ZNF469: variants seen among roughly 807,000 people sequenced by gnomAD.
The protein encoded by ZNF469 is zinc finger protein 469.
ZNF469 carries 1 observed loss-of-function variant against 1.0 expected under a neutral mutation model. That is an observed-to-expected ratio of 1.00 (90% CI 0.35 to 4.73). The LOEUF (loss-of-function observed/expected upper bound fraction) is 4.73. Ranked by LOEUF, ZNF469 falls within the 30% of genes most tolerant of loss-of-function variation. ZNF469 has a pLI of 0.16. For missense variants in ZNF469, 6,100 were observed against 5,356.3 expected (o/e 1.14, Z -4.33); for synonymous variants, 2,703 against 2,363.4 (o/e 1.14, Z -4.17).
chr16:88,205,250 G>A, the ZNF469 span, among the ~76,000 whole-genome samples: 7 of 152,102 alleles, frequency 4.6e-5, no homozygotes, highest in Non-Finnish European at 8.8e-5. The surrounding 1 kb of genome is among the most constrained non-coding windows in gnomAD (Gnocchi z 4.2). Context: ...GATGTTTCCC[G>A]GCAGAACGTT....
chr16:88,244,800 A>G, the ZNF469 span, among the ~76,000 whole-genome samples: 2 of 145,574 alleles, frequency 1.4e-5, no homozygotes, highest in Admixed American at 6.9e-5. Flanking sequence ...AAGTTTGACA[A>G]CTGGTGCATA....
the ZNF469 span, among the ~76,000 whole-genome samples, chr16:88,121,826 A>T: frequency 6.6e-6 from 1 of 152,188 alleles, no homozygotes; most frequent in Admixed American, 6.5e-5. Flanking sequence ...TATGATTAGG[A>T]ATTTATTTGT....
the ZNF469 span, among the ~76,000 whole-genome samples, chr16:88,143,050 G>A: frequency 6.6e-6 from 1 of 152,176 alleles, no homozygotes; most frequent in Non-Finnish European, 1.5e-5. Context: ...ATTAGGATGG[G>A]AGGAGACAGG....
At chr16:88,368,100 C>T in the ZNF469 span, among the ~76,000 whole-genome samples, 1 of 152,228 alleles carries the variant, frequency 6.6e-6, no homozygotes, top group South Asian at 2.1e-4. Context: ...GAGAACAATC[C>T]CGCGCTTATA....
the ZNF469 span, among the ~76,000 whole-genome samples, chr16:88,232,397 C>A: frequency 6.6e-6 from 1 of 152,142 alleles, no homozygotes; most frequent in Non-Finnish European, 1.5e-5. Context: ...CCCCTCCCAC[C>A]ACCACCCCGC....
chr16:88,353,714 G>A, the ZNF469 span, among the ~76,000 whole-genome samples: 2 of 152,256 alleles, frequency 1.3e-5, no homozygotes, highest in African/African-American at 4.8e-5. Context: ...CCTTGCAGGT[G>A]TAATTTGCTA....
Position 88,428,121 on chromosome 16 carries a change from C to T in ZNF469, c.651C>T (p.Ser217=), listed in dbSNP as rs1252427574. ...GGCCCCCCCAGAGCAGGGGCACCAG[C>T]CCCCTCCAGCCCGGTTCCTATCCCG... The part of the protein sequence containing the change: ...APGPPQSRGT[S]PLQPGSYPEY... Residue 217 remains serine, a synonymous_variant, in exon 3 of 3, where the codon AGC becomes AGT. Coordinates refer to ENST00000565624, the MANE Select transcript of ZNF469 (RefSeq NM_001367624.2). 4.5e-6 allele frequency: 7 copies of T among 1,549,660 alleles called. No homozygotes were observed. Among genetic ancestry groups the T allele is most frequent in the Admixed American group, 3.9e-5 (2 of 51,006 alleles).
chr16:88,262,882 G>C, the ZNF469 span, among the ~76,000 whole-genome samples: 6 of 152,248 alleles, frequency 3.9e-5, no homozygotes, highest in Admixed American at 3.9e-4. The surrounding 1 kb of genome is among the most constrained non-coding windows in gnomAD (Gnocchi z 4.3). Flanking sequence ...GCAGATCTGC[G>C]TCCTGTGGTG....
intron 1 of ZNF469, among the ~76,000 whole-genome samples, chr16:88,384,730 C>T (rs1171297520): frequency 6.6e-6 from 1 of 152,196 alleles, no homozygotes; most frequent in African/African-American, 2.4e-5. Flanking sequence ...GCTGTAATGC[C>T]CCGAGGCTGG....
chr16:88,333,863 AGTGT>A, the ZNF469 span, among the ~76,000 whole-genome samples: 4 of 140,912 alleles, frequency 2.8e-5, no homozygotes, highest in Non-Finnish European at 6.2e-5. Flanking sequence ...GGGCAGTTGC[AGTGT>A]GTGTGTGTGT....
At chr16:88,290,896 T>C in the ZNF469 span, among the ~76,000 whole-genome samples, 1 of 152,214 alleles carries the variant, frequency 6.6e-6, no homozygotes, top group Non-Finnish European at 1.5e-5. Context: ...CAGGGATCCC[T>C]CTGCCTGCCA....
chr16:88,245,394 A>G, the ZNF469 span, among the ~76,000 whole-genome samples: 1 of 152,218 alleles, frequency 6.6e-6, no homozygotes. Context: ...TGGAGAGAGG[A>G]TGCGTAGGCT....
the ZNF469 span, among the ~76,000 whole-genome samples, chr16:88,347,613 C>T: frequency 2.2e-4 from 34 of 152,334 alleles, no homozygotes; most frequent in Non-Finnish European, 4.9e-4. Flanking sequence ...GTTATCATGG[C>T]CCCAGGAAAC....
chr16:88,149,465 C>T, the ZNF469 span, among the ~76,000 whole-genome samples: 9 of 152,332 alleles, frequency 5.9e-5, no homozygotes, highest in Admixed American at 5.2e-4. Flanking sequence ...TCTGTGCAAC[C>T]GCAGCCTGAG....
At chr16:88,203,007 G>A in the ZNF469 span, among the ~76,000 whole-genome samples, 1 of 152,214 alleles carries the variant, frequency 6.6e-6, no homozygotes, top group Non-Finnish European at 1.5e-5. Context: ...CAGGTACAGT[G>A]CTCAGTCACA....
At chr16:88,122,165 G>A in the ZNF469 span, among the ~76,000 whole-genome samples, 8 of 147,710 alleles carry the variant, frequency 5.4e-5, no homozygotes, top group Middle Eastern at 3.5e-3. Flanking sequence ...ACTCGGTATG[G>A]CCACGGCAAC....
chr16:88,367,093 T>G, the ZNF469 span, among the ~76,000 whole-genome samples: 6 of 152,332 alleles, frequency 3.9e-5, no homozygotes, highest in East Asian at 1.2e-3. Context: ...GTCTTCCCCC[T>G]TTTTGCGTCC....
At chr16:88,380,763 C>T (rs201099841), upstream of ZNF469, among the ~76,000 whole-genome samples, 5,433 of 145,974 alleles carry the variant, frequency 0.037, 175 homozygotes, top group Admixed American at 0.1. Context: ...CACTCACAGA[C>T]GTCCTCACAC....
the ZNF469 span, among the ~76,000 whole-genome samples, chr16:88,345,503 G>A: frequency 6.6e-6 from 1 of 152,112 alleles, no homozygotes; most frequent in African/African-American, 2.4e-5. Flanking sequence ...TCTGCACCAG[G>A]GCCCCTCTGT....
Sources: gnomAD v4.1 joint callset for allele counts (sites outside exome capture counted in the v4.1 genomes callset) on GRCh38, gnomAD v4.1.1 for gene constraint, Gnocchi (gnomAD v3.1) non-coding constraint, MANE v1.5 for transcripts, NCBI Gene and HGNC (gene_info 2026-07-23, HGNC 2026-07-21) for gene names.